CNTNAP5: variants seen among roughly 807,000 people sequenced by gnomAD.
CNTNAP5 encodes contactin associated protein family member 5, also known as contactin-associated protein-like 5.
Under a neutral mutation model 150.2 loss-of-function variants are expected in CNTNAP5, and 72 were observed. The ratio of observed to expected loss-of-function variants is 0.48; its 90% CI spans 0.40 to 0.58. CNTNAP5 has a LOEUF of 0.58. Ranked by LOEUF, CNTNAP5 falls within the 20% of genes least tolerant of loss-of-function variation. CNTNAP5 has a pLI of 0.00. For missense variants in CNTNAP5, 1,636 were observed against 1,626.2 expected (o/e 1.01, Z -0.10); for synonymous variants, 672 against 619.8 (o/e 1.08, Z -1.25).
chr2:124,367,660 G>T (rs1690412124), intron 3 of CNTNAP5, among the ~76,000 whole-genome samples: 1 of 152,184 alleles, frequency 6.6e-6, no homozygotes, highest in South Asian at 2.1e-4. Context: ...ACATCTGAAT[G>T]CAGTCTGTTG....
At chr2:124,685,645 G>A (rs1169627855) in intron 13 of CNTNAP5, among the ~76,000 whole-genome samples, 2 of 152,056 alleles carry the variant, frequency 1.3e-5, no homozygotes, top group African/African-American at 2.4e-5. Context: ...TTTTTAAAAC[G>A]AATGCAATTT....
At chr2:124,911,364 C>T in intron 22 of CNTNAP5, 103 bp from the exon 23 acceptor site, 1 of 779,164 alleles carries the variant, frequency 1.3e-6, no homozygotes, top group Non-Finnish European at 2.2e-6. Context: ...TTGAGGGCAC[C>T]TGGTGTAATG....
intron 1 of CNTNAP5, among the ~76,000 whole-genome samples, chr2:124,046,433 G>GAGAAA (rs376445841): frequency 5.7e-4 from 77 of 134,590 alleles, no homozygotes; most frequent in Non-Finnish European, 9.9e-4. Flanking sequence ...ACAAAAGAGA[G>GAGAAA]AAAAAAAAAA....
At chr2:124,086,198 T>C (rs1209223977) in intron 1 of CNTNAP5, among the ~76,000 whole-genome samples, 30 of 139,704 alleles carry the variant, frequency 2.1e-4, no homozygotes, top group African/African-American at 7.9e-4. Context: ...CTTTTTTTTT[T>C]TTTTTTTTTT....
At position 124,045,550 on chromosome 2, in the gene CNTNAP5, G is replaced by T. The variant is rs924420191; in HGVS notation, c.82+19818G>T. 3.3e-5 allele frequency among the ~76,000 whole-genome samples: 5 copies of T among 151,816 alleles called. No individual in the cohort carries two copies. The East Asian group carries it at 9.7e-4, about 30-fold the overall frequency. On this transcript the variant is annotated intron_variant, in intron 1 of 23. Transcript: ENST00000682447. ...TGACCTCAAAGATCCACCCGACTTG[G>T]CCTCCCAAAGTGCCACCGCACCAGG...
At chr2:124,029,642 G>A (rs1013650150) in intron 1 of CNTNAP5, among the ~76,000 whole-genome samples, 1 of 151,774 alleles carries the variant, frequency 6.6e-6, no homozygotes, top group Non-Finnish European at 1.5e-5. Flanking sequence ...CCTCTAAATT[G>A]CAGTTTTCTT....
chr2:124,297,813 A>ATTT (rs869177455), intron 3 of CNTNAP5, among the ~76,000 whole-genome samples: 1 of 18,872 alleles, frequency 5.3e-5, no homozygotes, highest in Non-Finnish European at 1.1e-4. Flanking sequence ...CCAATTATTT[A>ATTT]TTATTATTAT....
rs745784058 is a variant in CNTNAP5, at chr2:124,790,109, A to G, written c.2960A>G (p.Asn987Ser). Residue 987 changes from asparagine to serine, a missense_variant, in exon 18 of 24, where the codon AAT becomes AGT. Coordinates refer to ENST00000682447, the MANE Select transcript of CNTNAP5 (RefSeq NM_001367498.1). ...KHNGYLCDCT[N>S]SPYEGPFCKK... ...AATGGCTACCTGTGTGATTGCACCA[A>G]TTCACCTTATGAAGGGCCCTTTTGC... The G allele has an allele frequency of 2.5e-6, 4 of 1,613,700 alleles. No homozygotes were observed. Among genetic ancestry groups the G allele is most frequent in the Admixed American group, 3.3e-5 (2 of 59,974 alleles).
chr2:124,498,185 C>T (rs1054275150), intron 7 of CNTNAP5, among the ~76,000 whole-genome samples: 4 of 152,244 alleles, frequency 2.6e-5, no homozygotes, highest in South Asian at 2.1e-4. Flanking sequence ...TCAAGGAAGG[C>T]GCTGCTTAGA....
chr2:124,028,238 TC>T (rs1442556317), intron 1 of CNTNAP5, among the ~76,000 whole-genome samples: 5 of 152,088 alleles, frequency 3.3e-5, no homozygotes, highest in African/African-American at 1.2e-4. Context: ...ATACATAACT[TC>T]TAATTGTTTT....
In CNTNAP5 at chr2:124,025,389, A is replaced by C; in HGVS notation, c.-262A>C. The C allele has an allele frequency of 5.7e-6, 3 of 524,900 alleles. No individual in the cohort carries two copies. The highest frequency in any genetic ancestry group is 1.0e-5 in the Non-Finnish European group (3 of 289,066). The allele number at this position is 524,900 out of a possible 1,614,324, so 32.5% of individuals were successfully genotyped here. A position where few individuals can be genotyped will look rare whatever the true frequency, so the allele number is the denominator to read the frequency against. On this transcript the variant is annotated 5_prime_UTR_variant, in exon 1 of 24. Transcript: ENST00000682447. ...GATTTGCACCGTTAAGGAGGGGGGA[A>C]GAGAAGGAAGAGGCGGGCGAGGAAG...
At chr2:124,742,149 C>G (rs1322929238) in intron 13 of CNTNAP5, among the ~76,000 whole-genome samples, 1 of 152,166 alleles carries the variant, frequency 6.6e-6, no homozygotes, top group Non-Finnish European at 1.5e-5. Flanking sequence ...GGGGGAAGTT[C>G]ACTGGCAAGG....
intron 16 of CNTNAP5, 81 bp from the exon 17 acceptor site, chr2:124,772,718 A>G: frequency 9.8e-7 from 1 of 1,020,152 alleles, no homozygotes; most frequent in Non-Finnish European, 1.6e-6. Context: ...ACTGACTTAC[A>G]ATCGTTTCTC....
chr2:124,363,562 A>G (rs561233837), intron 3 of CNTNAP5, among the ~76,000 whole-genome samples: 43 of 152,320 alleles, frequency 2.8e-4, no homozygotes, highest in South Asian at 2.1e-3. Flanking sequence ...TATCAGCTCT[A>G]TCTCCAAAAA....
chr2:124,839,572 T>C (rs1264390669), intron 19 of CNTNAP5, among the ~76,000 whole-genome samples: 3 of 152,068 alleles, frequency 2.0e-5, no homozygotes, highest in Non-Finnish European at 2.9e-5. Context: ...CTCCAATCCT[T>C]CTTTACCCTG....
At chr2:124,471,611 G>A (rs1420632799) in intron 6 of CNTNAP5, among the ~76,000 whole-genome samples, 1 of 152,150 alleles carries the variant, frequency 6.6e-6, no homozygotes, top group African/African-American at 2.4e-5. Context: ...TTGAATAGGA[G>A]TGGTGAGAGA....
chr2:124,437,966 T>G (rs1437286649), intron 5 of CNTNAP5, among the ~76,000 whole-genome samples: 1 of 152,168 alleles, frequency 6.6e-6, no homozygotes, highest in Non-Finnish European at 1.5e-5. Flanking sequence ...TTACTTGCAA[T>G]TCAGAAATTC....
rs924778555 is a variant in CNTNAP5 at position 124,896,188 on chromosome 2, T to C, written c.3437-6694T>C. 3.0e-4 allele frequency among the ~76,000 whole-genome samples: 46 copies of C among 151,666 alleles called. 3 individuals are homozygous for C. Among genetic ancestry groups the C allele is most frequent in the African/African-American group, 1.1e-3 (44 of 41,014 alleles). On this transcript the variant is annotated intron_variant, in intron 21 of 23. Transcript: ENST00000682447. ...TTGGTTTGCTTCATCAAAGAGAGCG[T>C]TCTGGATAACATGTTGTGGATGTAA...
intron 11 of CNTNAP5, among the ~76,000 whole-genome samples, chr2:124,588,135 C>CTT (rs1262384567): frequency 0.017 from 86 of 5,144 alleles, 2 homozygotes; most frequent in African/African-American, 0.024. Context: ...CTTCCTTTTC[C>CTT]TTCCTTCCTT....
Sources: gnomAD v4.1 joint callset for allele counts (sites outside exome capture counted in the v4.1 genomes callset) on GRCh38, gnomAD v4.1.1 for gene constraint, MANE v1.5 for transcripts, NCBI Gene and HGNC (gene_info 2026-07-23, HGNC 2026-07-21) for gene names.